MAF: variants seen among roughly 807,000 people sequenced by gnomAD.
MAF encodes transcription factor Maf.
A neutral mutation model predicts 22.0 loss-of-function variants in MAF; 10 were observed. The observed-to-expected ratio is 0.45, with a 90% confidence interval of 0.28 to 0.77. The LOEUF is 0.77. MAF is among the 30% of genes least tolerant of loss of function. MAF has a pLI of 0.12. For missense variants in MAF, 544 were observed against 548.4 expected, an observed-to-expected ratio of 0.99 and a Z score of 0.08; for synonymous variants, 337 against 255.8, an observed-to-expected ratio of 1.32 and a Z score of -3.03.
chr16:79,402,279 A>G, the MAF span, among the ~76,000 whole-genome samples: 1 of 152,198 alleles, frequency 6.6e-6, no homozygotes, highest in African/African-American at 2.4e-5. Context: ...GACAGAAACA[A>G]TGGGTAAAAA....
chr16:79,322,572 C>T, the MAF span, among the ~76,000 whole-genome samples: 2 of 152,102 alleles, frequency 1.3e-5, no homozygotes, highest in Non-Finnish European at 2.9e-5. Flanking sequence ...CTGGGGATAA[C>T]ATGGGAAGCG....
At chr16:79,422,544 A>G in the MAF span, among the ~76,000 whole-genome samples, 2 of 152,262 alleles carry the variant, frequency 1.3e-5, no homozygotes, top group Middle Eastern at 3.4e-3. Flanking sequence ...CTTTAAATTG[A>G]GGAGACAGCT....
chr16:79,268,727 T>C, the MAF span, among the ~76,000 whole-genome samples: 1 of 152,060 alleles, frequency 6.6e-6, no homozygotes, highest in Non-Finnish European at 1.5e-5. Flanking sequence ...GCCCACCAAC[T>C]CCATATATCA....
At chr16:79,424,845 T>C in the MAF span, among the ~76,000 whole-genome samples, 1 of 152,186 alleles carries the variant, frequency 6.6e-6, no homozygotes, top group African/African-American at 2.4e-5. Flanking sequence ...GGATGCAAAA[T>C]ATAATATGCT....
At chr16:79,336,669 A>C in the MAF span, among the ~76,000 whole-genome samples, 1 of 152,246 alleles carries the variant, frequency 6.6e-6, no homozygotes, top group East Asian at 1.9e-4. Flanking sequence ...GCCCAAGGTC[A>C]CAAAGCTGAG....
At chr16:79,211,034 AGTGTGTGTGT>A in the MAF span, among the ~76,000 whole-genome samples, 31 of 149,718 alleles carry the variant, frequency 2.1e-4, no homozygotes, top group African/African-American at 6.4e-4. Flanking sequence ...TATGGTGAGG[AGTGTGTGTGT>A]GTGTGTGTGT....
At chr16:79,270,176 A>T in the MAF span, among the ~76,000 whole-genome samples, 1 of 152,132 alleles carries the variant, frequency 6.6e-6, no homozygotes, top group Non-Finnish European at 1.5e-5. Flanking sequence ...GAAGCCCCTG[A>T]AAAGCAGATC....
the MAF span, among the ~76,000 whole-genome samples, chr16:79,479,941 C>T: frequency 1.3e-5 from 2 of 152,162 alleles, no homozygotes; most frequent in East Asian, 3.9e-4. Context: ...ACACTACTTC[C>T]AGCAGGTTTT....
At chr16:79,213,238 C>T in the MAF span, among the ~76,000 whole-genome samples, 9 of 152,180 alleles carry the variant, frequency 5.9e-5, no homozygotes, top group African/African-American at 2.2e-4. Flanking sequence ...ATCATGGCAG[C>T]TTCAGGCCAG....
downstream of MAF, among the ~76,000 whole-genome samples, chr16:79,590,005 G>A (rs1459028406): frequency 1.3e-5 from 2 of 152,158 alleles, no homozygotes; most frequent in Non-Finnish European, 2.9e-5. Context: ...GCAATCTTCG[G>A]GACCCGCCCC....
the MAF span, among the ~76,000 whole-genome samples, chr16:79,341,996 A>C: frequency 6.6e-6 from 1 of 152,230 alleles, no homozygotes. Context: ...AACAACAACA[A>C]AATTTATGAT....
the MAF span, among the ~76,000 whole-genome samples, chr16:79,534,334 G>T: frequency 2.0e-5 from 3 of 152,144 alleles, no homozygotes; most frequent in African/African-American, 7.2e-5. Context: ...TTACCATGTG[G>T]TTTTATTCTT....
the MAF span, among the ~76,000 whole-genome samples, chr16:79,342,363 A>G: frequency 1.3e-5 from 2 of 152,228 alleles, no homozygotes; most frequent in African/African-American, 2.4e-5. Context: ...GCATAAGTAA[A>G]GACATCCAAG....
At chr16:79,545,608 A>AC in the MAF span, among the ~76,000 whole-genome samples, 4,593 of 150,074 alleles carry the variant, frequency 0.031, 114 homozygotes, top group African/African-American at 0.063. Flanking sequence ...TGCAACCCCC[A>AC]CCCCCCCACA....
At chr16:79,486,151 C>T in the MAF span, among the ~76,000 whole-genome samples, 2 of 152,192 alleles carry the variant, frequency 1.3e-5, no homozygotes, top group African/African-American at 2.4e-5. Context: ...CCTGCCAGCT[C>T]AGGAACCCCT....
At chr16:79,403,231 T>A in the MAF span, among the ~76,000 whole-genome samples, 2 of 152,288 alleles carry the variant, frequency 1.3e-5, no homozygotes, top group East Asian at 3.9e-4. Context: ...TGTATGCCCA[T>A]CAAAAGCAAA....
At chr16:79,246,217 T>TA in the MAF span, among the ~76,000 whole-genome samples, 4 of 151,616 alleles carry the variant, frequency 2.6e-5, no homozygotes, top group African/African-American at 9.7e-5. Flanking sequence ...AAAAGAAAAT[T>TA]AAAAAAAAAT....
At chr16:79,551,240 C>G in the MAF span, among the ~76,000 whole-genome samples, 1 of 152,204 alleles carries the variant, frequency 6.6e-6, no homozygotes, top group Non-Finnish European at 1.5e-5. Context: ...CCACTGGAGT[C>G]AGACTGTACC....
chr16:79,245,773 C>T, the MAF span, among the ~76,000 whole-genome samples: 1 of 152,040 alleles, frequency 6.6e-6, no homozygotes, highest in Non-Finnish European at 1.5e-5. Context: ...TTTACTGCAG[C>T]TCTATTCACA....
Sources: allele counts gnomAD v4.1 joint callset (sites outside exome capture counted in the v4.1 genomes callset), GRCh38; gene constraint gnomAD v4.1.1; transcripts MANE v1.5; gene names NCBI Gene and HGNC (gene_info 2026-07-23, HGNC 2026-07-21).